The following SORCS2 variants were observed in gnomAD, a reference collection of about 807,000 sequenced individuals.
SORCS2 encodes sortilin related VPS10 domain containing receptor 2.
A neutral mutation model predicts 141.6 loss-of-function variants in SORCS2; 100 were observed. That is an observed-to-expected ratio of 0.71 (90% CI 0.60 to 0.83). The LOEUF (loss-of-function observed/expected upper bound fraction) is 0.83. Ranked by LOEUF, SORCS2 falls within the 40% of genes least tolerant of loss-of-function variation. SORCS2 has a pLI of 0.00. For synonymous variants in SORCS2, 789 were observed against 676.9 expected, an observed-to-expected ratio of 1.17 and a Z score of -2.57; for missense variants, 1,646 against 1,560.2, an observed-to-expected ratio of 1.05 and a Z score of -0.93.
In SORCS2 at chr4:7,740,438, G is replaced by C. The variant is rs1712574048; in HGVS notation, c.*174G>C. 1 of 618,306 alleles carries C rather than the reference G, an allele frequency of 1.6e-6. No homozygotes were observed. The highest frequency in any genetic ancestry group is 2.7e-5 in the Admixed American group (1 of 36,466). 38.3% of individuals were successfully genotyped at this position (618,306 alleles called of 1,614,324 possible). A position where few individuals can be genotyped will look rare whatever the true frequency, so the allele number is the denominator to read the frequency against. On this transcript the variant is annotated 3_prime_UTR_variant, in exon 27 of 27. Transcript: ENST00000507866. ...AATCCAAGCCCGCCCAGGCCCACGG[G>C]GGGCCCACGGGACCCCCCGGGACTC...
chr4:7,637,619 C>T (rs528956547), intron 3 of SORCS2, among the ~76,000 whole-genome samples: 2 of 152,334 alleles, frequency 1.3e-5, no homozygotes, highest in South Asian at 4.1e-4. Flanking sequence ...TAGCACTGAG[C>T]CAGCTGGGTT....
chr4:7,635,240 G>A (rs1361763634), intron 3 of SORCS2, among the ~76,000 whole-genome samples: 1 of 152,142 alleles, frequency 6.6e-6, no homozygotes, highest in African/African-American at 2.4e-5. Context: ...GTGTGTGGCT[G>A]AGAACAGGGC....
rs185332805 is a variant in SORCS2 at position 7,237,366 on chromosome 4, G to A, written c.480+44240G>A. ...TCTGGTCTGTGTCCGCTGGGCTGCT[G>A]TTTTTAGAAGAGACCCCTCTTGGCT... On this transcript the variant is annotated intron_variant, in intron 1 of 26. Transcript: ENST00000507866. Among the ~76,000 whole-genome samples, 262 of 152,242 alleles carry A rather than the reference G, an allele frequency of 1.7e-3. 1 individual carries two copies. The highest frequency in any genetic ancestry group is 6.1e-3 in the African/African-American group (254 of 41,542).
intron 4 of SORCS2, among the ~76,000 whole-genome samples, chr4:7,647,085 CA>C (rs1292134398): frequency 6.6e-6 from 1 of 152,104 alleles, no homozygotes; most frequent in Non-Finnish European, 1.5e-5. Flanking sequence ...AGGAGGTAGC[CA>C]GGGGACGAGA....
intron 1 of SORCS2, among the ~76,000 whole-genome samples, chr4:7,268,436 G>A (rs6847483): frequency 0.054 from 8,178 of 152,196 alleles, 723 homozygotes; most frequent in African/African-American, 0.18. Context: ...CCCATCCCTC[G>A]TCATCCAGCA....
intron 18 of SORCS2, 121 bp downstream of exon 18, chr4:7,718,304 C>A: frequency 1.7e-6 from 2 of 1,148,398 alleles, no homozygotes; most frequent in Non-Finnish European, 2.4e-6. Flanking sequence ...GCATCGTCAT[C>A]AGCCAGCCTG....
chr4:7,286,720 A>G lies in SORCS2; in HGVS notation c.480+93594A>G, dbSNP rs1716251274. Among the ~76,000 whole-genome samples the G allele has an allele frequency of 6.6e-6, 1 of 152,146 alleles. No individual in the cohort carries two copies. Among genetic ancestry groups the G allele is most frequent in the African/African-American group, 2.4e-5 (1 of 41,430 alleles). ...CTTCTGGCCTGGCACTTTTTCCACAATGCCTCAGAGGTTGCACATGTTCAC... is the reference window on the plus strand; with the variant it reads ...CTTCTGGCCTGGCACTTTTTCCACAGTGCCTCAGAGGTTGCACATGTTCAC... On this transcript the variant is annotated intron_variant, in intron 1 of 26. Transcript: ENST00000507866. This position sits in a 1 kb window ranked among gnomAD's most constrained non-coding sequence, Gnocchi z 4.1.
At chr4:7,622,075 C>A (rs1045493715) in intron 3 of SORCS2, among the ~76,000 whole-genome samples, 1 of 151,398 alleles carries the variant, frequency 6.6e-6, no homozygotes, top group African/African-American at 2.4e-5. Context: ...CCCCAGAGCA[C>A]GGCCCCTGGG....
intron 1 of SORCS2, among the ~76,000 whole-genome samples, chr4:7,295,487 G>A (rs894935985): frequency 1.3e-5 from 2 of 152,110 alleles, no homozygotes; most frequent in African/African-American, 4.8e-5. Flanking sequence ...GCCGGCAGTG[G>A]AGCCTGGCCG....
At chr4:7,277,970 G>A (rs1358033639) in intron 1 of SORCS2, among the ~76,000 whole-genome samples, 4 of 152,190 alleles carry the variant, frequency 2.6e-5, no homozygotes, top group Non-Finnish European at 1.5e-5. Flanking sequence ...GTCTGAGCAC[G>A]TCTTGGCTTC....
intron 4 of SORCS2, among the ~76,000 whole-genome samples, chr4:7,643,653 A>T (rs1264207410): frequency 6.6e-6 from 1 of 152,198 alleles, no homozygotes; most frequent in East Asian, 1.9e-4. Context: ...GGCAATAAAG[A>T]TGATCACATA....
At chr4:7,632,276 G>A (rs758979602) in intron 3 of SORCS2, among the ~76,000 whole-genome samples, 24 of 152,052 alleles carry the variant, frequency 1.6e-4, no homozygotes, top group Non-Finnish European at 3.1e-4. Context: ...TTAGAATGTC[G>A]TCTCTAATTT....
intron 1 of SORCS2, among the ~76,000 whole-genome samples, chr4:7,306,014 T>C (rs1334168908): frequency 6.6e-6 from 1 of 152,220 alleles, no homozygotes; most frequent in East Asian, 1.9e-4. Context: ...ACACATGTGG[T>C]GTCCCCCTGC....
intron 15 of SORCS2, among the ~76,000 whole-genome samples, chr4:7,713,668 T>C (rs975633239): frequency 4.6e-5 from 7 of 152,002 alleles, no homozygotes; most frequent in Non-Finnish European, 7.4e-5. Context: ...GGGAGGGCGA[T>C]CGGATATCAA....
At chr4:7,316,992 C>T (rs17756192) in intron 1 of SORCS2, among the ~76,000 whole-genome samples, 28,679 of 152,166 alleles carry the variant, frequency 0.19, 3,563 homozygotes, top group Middle Eastern at 0.29. Flanking sequence ...TGAATGCAAG[C>T]GCCCGGGGTC....
intron 1 of SORCS2, among the ~76,000 whole-genome samples, chr4:7,304,075 A>G (rs537882258): frequency 6.6e-6 from 1 of 152,376 alleles, no homozygotes; most frequent in African/African-American, 2.4e-5. Context: ...CACGTCATTC[A>G]TTTATTTAAC....
chr4:7,469,795 C>A (rs1366542824), intron 2 of SORCS2, among the ~76,000 whole-genome samples: 2 of 152,214 alleles, frequency 1.3e-5, no homozygotes, highest in African/African-American at 4.8e-5. Flanking sequence ...GAATTTCTTT[C>A]CTTCTCATTG....
In SORCS2 at chr4:7,703,369, C is replaced by T. The variant is rs1725206142; in HGVS notation, c.1758C>T (p.Leu586=). ...ACACCTCCATCCCTTTGAAGATCCT[C>T]AAGTAATGGCGTCTGCTAGCCCCGG... is the stretch of plus-strand genomic sequence containing the variant. ...IKDTSIPLKI[L]KFSVDEGLTW... Residue 586 remains leucine, a splice_region_variant and synonymous_variant, in exon 13 of 27, where the codon CTC becomes CTT. Transcript: ENST00000507866. 6.2e-7 allele frequency: 1 copy of T among 1,612,098 alleles called. No individual in the cohort carries two copies. Among genetic ancestry groups the T allele is most frequent in the Non-Finnish European group, 8.5e-7 (1 of 1,179,160 alleles).
At position 7,440,609 on chromosome 4, in the gene SORCS2, C is replaced by A. The variant is rs183585381; in HGVS notation, c.548+44254C>A. 1.1e-4 allele frequency among the ~76,000 whole-genome samples: 16 copies of A among 152,310 alleles called. No homozygotes were observed. In the East Asian group the frequency reaches 3.1e-3, roughly 29 times the overall value. On this transcript the variant is annotated intron_variant, in intron 2 of 26. Transcript: ENST00000507866. ...CCCAGTGGGGCTTGCCCAGCCTGCT[C>A]TGGAACTTGGGGGCCTAGACAGCAC... is the stretch of plus-strand genomic sequence containing the variant.
Sources: allele counts gnomAD v4.1 joint callset (sites outside exome capture counted in the v4.1 genomes callset), GRCh38; gene constraint gnomAD v4.1.1; non-coding constraint Gnocchi (gnomAD v3.1); transcripts MANE v1.5; gene names NCBI Gene and HGNC (gene_info 2026-07-23, HGNC 2026-07-21).